The following TMEM178B variants were observed in gnomAD, a reference collection of about 807,000 sequenced individuals.
TMEM178B encodes transmembrane protein 178B.
In TMEM178B, 5 loss-of-function variants were observed where a neutral mutation model predicts 31.0. The ratio of observed to expected loss-of-function variants is 0.16; its 90% CI spans 0.08 to 0.34. The LOEUF (loss-of-function observed/expected upper bound fraction) is 0.34. Among genes scored for constraint, TMEM178B ranks in the 10% least tolerant of loss-of-function variants. TMEM178B has a pLI of 1.00. For missense variants in TMEM178B, 275 were observed against 400.3 expected, an observed-to-expected ratio of 0.69 and a Z score of 2.67; for synonymous variants, 164 against 164.0, an observed-to-expected ratio of 1.00 and a Z score of 0.00.
intron 2 of TMEM178B, among the ~76,000 whole-genome samples, chr7:141,299,432 T>C (rs944111971): frequency 6.6e-6 from 1 of 152,220 alleles, no homozygotes; most frequent in African/African-American, 2.4e-5. Context: ...GTTCCCAGAA[T>C]GTCACTCTTT....
At chr7:141,320,148 G>A (rs1442174944) in intron 2 of TMEM178B, among the ~76,000 whole-genome samples, 2 of 152,102 alleles carry the variant, frequency 1.3e-5, no homozygotes. Context: ...CATGTAAGAT[G>A]TGCCTTGCTT....
chr7:141,227,071 G>A (rs1195266421), intron 2 of TMEM178B, among the ~76,000 whole-genome samples: 1 of 152,146 alleles, frequency 6.6e-6, no homozygotes, highest in Non-Finnish European at 1.5e-5. Flanking sequence ...TCCGCTGTGT[G>A]GACAGCACTG....
the TMEM178B span, among the ~76,000 whole-genome samples, chr7:141,500,282 A>C: frequency 1.2e-4 from 18 of 152,318 alleles, 1 homozygote; most frequent in African/African-American, 4.1e-4. Flanking sequence ...AGACAGGTGT[A>C]CAAGGTGAGG....
At chr7:141,232,532 G>C (rs1797464407) in intron 2 of TMEM178B, among the ~76,000 whole-genome samples, 1 of 152,112 alleles carries the variant, frequency 6.6e-6, no homozygotes. Flanking sequence ...TCTCATTGTG[G>C]TTTTGATTTG....
At chr7:141,194,211 C>T (rs1796743413) in intron 1 of TMEM178B, among the ~76,000 whole-genome samples, 1 of 152,106 alleles carries the variant, frequency 6.6e-6, no homozygotes, top group South Asian at 2.1e-4. Flanking sequence ...TCATGCCTTC[C>T]CAGCAGTCCC....
intron 2 of TMEM178B, among the ~76,000 whole-genome samples, chr7:141,266,653 C>A (rs969447384): frequency 4.6e-5 from 7 of 152,188 alleles, no homozygotes; most frequent in Non-Finnish European, 1.0e-4. Context: ...ACACATGTTG[C>A]AGCTTCTCTG....
intron 2 of TMEM178B, among the ~76,000 whole-genome samples, chr7:141,401,851 T>C (rs1285905863): frequency 3.3e-5 from 5 of 152,122 alleles, no homozygotes; most frequent in Non-Finnish European, 7.3e-5. Flanking sequence ...TCCTAATCAA[T>C]AGTAAATAGC....
intron 2 of TMEM178B, among the ~76,000 whole-genome samples, chr7:141,236,064 A>G (rs1797522572): frequency 6.6e-6 from 1 of 152,232 alleles, no homozygotes; most frequent in African/African-American, 2.4e-5. Context: ...CAAGAGAACC[A>G]GACCAGAGCT....
Position 141,344,142 on chromosome 7 carries a change from G to A in TMEM178B, c.497-93466G>A, listed in dbSNP as rs62486677. Among the ~76,000 whole-genome samples, 17,144 of 152,244 alleles carry A rather than the reference G, an allele frequency of 0.11. 1,158 individuals carry two copies. Among genetic ancestry groups the A allele is most frequent in the Non-Finnish European group, 0.15 (10,181 of 68,000 alleles). ...TGGTGCAAAAGTAATTGTGGTTTTT[G>A]CCATTACTTTTAAGGGTGACACAGC... On this transcript the variant is annotated intron_variant, in intron 2 of 3. Coordinates refer to ENST00000565468, the MANE Select transcript of TMEM178B (RefSeq NM_001195278.2). This position sits in a 1 kb window ranked among gnomAD's most constrained non-coding sequence, Gnocchi z 4.1.
At chr7:141,210,335 A>G (rs1346967585) in intron 1 of TMEM178B, among the ~76,000 whole-genome samples, 1 of 152,124 alleles carries the variant, frequency 6.6e-6, no homozygotes, top group African/African-American at 2.4e-5. Flanking sequence ...GTGGTGGCAC[A>G]TGCTTGTAAT....
rs897468473 is a variant in TMEM178B, at chr7:141,408,111, A to C, written c.497-29497A>C. On this transcript the variant is annotated intron_variant, in intron 2 of 3. Coordinates refer to ENST00000565468, the MANE Select transcript of TMEM178B (RefSeq NM_001195278.2). ...GATTTATTAGATTTCCAAATGCCACATGACCCAAGGATTCAGTGATTTCAT... is the reference window on the plus strand; with the variant it reads ...GATTTATTAGATTTCCAAATGCCACCTGACCCAAGGATTCAGTGATTTCAT... Among the ~76,000 whole-genome samples the C allele has an allele frequency of 7.9e-5, 12 of 152,200 alleles. No homozygotes were observed. In the East Asian group the frequency reaches 2.1e-3, roughly 27 times the overall value.
At chr7:141,128,778 C>T (rs1421450763) in intron 1 of TMEM178B, among the ~76,000 whole-genome samples, 1 of 152,082 alleles carries the variant, frequency 6.6e-6, no homozygotes, top group Admixed American at 6.5e-5. Flanking sequence ...GTTGGATGTT[C>T]CTCTGGAGAG....
chr7:141,161,831 G>A (rs753227377), intron 1 of TMEM178B, among the ~76,000 whole-genome samples: 1 of 151,980 alleles, frequency 6.6e-6, no homozygotes, highest in Non-Finnish European at 1.5e-5. Flanking sequence ...GGTGGTGAGT[G>A]TGTGAGAGAA....
chr7:141,412,288 C>T (rs539851680), intron 2 of TMEM178B, among the ~76,000 whole-genome samples: 2 of 152,250 alleles, frequency 1.3e-5, no homozygotes, highest in South Asian at 2.1e-4. Flanking sequence ...CAAGACACAA[C>T]GCAAGACCCT....
Position 141,477,090 on chromosome 7 carries a change from T to TTTTCC in TMEM178B, c.*6315_*6319dup, listed in dbSNP as rs1802385804. ...ACCCCATTCCTCCCACTGGCTGAGC[T>TTTTCC]TTTCCTTTCCTTTCCGGGTCACCCA... On this transcript the variant is annotated 3_prime_UTR_variant, in exon 4 of 4. Coordinates refer to ENST00000565468, the MANE Select transcript of TMEM178B (RefSeq NM_001195278.2). 6.5e-6 allele frequency: 1 copy of TTTTCC among 154,962 alleles called. No individual in the cohort carries two copies. The highest frequency in any genetic ancestry group is 2.4e-5 in the African/African-American group (1 of 41,508). 9.6% of individuals were successfully genotyped at this position (154,962 alleles called of 1,614,324 possible).
At chr7:141,396,351 C>T (rs1800637800) in intron 2 of TMEM178B, among the ~76,000 whole-genome samples, 3 of 152,226 alleles carry the variant, frequency 2.0e-5, no homozygotes, top group South Asian at 4.1e-4. Flanking sequence ...TTTCCCATCG[C>T]CCATGCCTAC....
chr7:141,198,855 G>A (rs771034278), intron 1 of TMEM178B, among the ~76,000 whole-genome samples: 38 of 152,366 alleles, frequency 2.5e-4, no homozygotes, highest in African/African-American at 8.2e-4. Flanking sequence ...TGCACCGGGC[G>A]TGTGGGGCCG....
the TMEM178B span, among the ~76,000 whole-genome samples, chr7:141,505,355 C>T: frequency 3.5e-3 from 529 of 152,346 alleles, 5 homozygotes; most frequent in African/African-American, 0.011. Context: ...AAGTCCACAT[C>T]TTTCCCATTT....
chr7:141,076,477 T>C (rs1010193936), intron 1 of TMEM178B, among the ~76,000 whole-genome samples: 1 of 152,142 alleles, frequency 6.6e-6, no homozygotes, highest in African/African-American at 2.4e-5. Context: ...CCTTCTTGTG[T>C]TGGTTAACCC....
Sources: allele counts gnomAD v4.1 joint callset (sites outside exome capture counted in the v4.1 genomes callset), GRCh38; gene constraint gnomAD v4.1.1; non-coding constraint Gnocchi (gnomAD v3.1); transcripts MANE v1.5; gene names NCBI Gene and HGNC (gene_info 2026-07-23, HGNC 2026-07-21).